FXN: variants seen among roughly 807,000 people sequenced by gnomAD.
FXN encodes the protein frataxin, mitochondrial.
Under a neutral mutation model 22.4 loss-of-function variants are expected in FXN, and 14 were observed. That is an observed-to-expected ratio of 0.62 (90% CI 0.41 to 0.98). The LOEUF is 0.98. Ranked by LOEUF, FXN falls within the 50% of genes least tolerant of loss-of-function variation. The probability of loss-of-function intolerance (pLI) is 0.00; values close to 1 mark genes in which losing one functional copy is unlikely to be tolerated. For synonymous variants in FXN, 120 were observed against 114.1 expected (o/e 1.05, Z -0.33); for missense variants, 267 against 268.4 (o/e 0.99, Z 0.04).
chr9:69,051,779 A>G (rs1831853256), intron 2 of FXN, among the ~76,000 whole-genome samples: 1 of 152,242 alleles, frequency 6.6e-6, no homozygotes, highest in Non-Finnish European at 1.5e-5. Context: ...GTTGAACATT[A>G]CTAATGAAAT....
At chr9:69,036,015 G>T in intron 1 of FXN, 68 bp downstream of exon 1, 1 of 1,213,320 alleles carries the variant, frequency 8.2e-7, no homozygotes, top group African/African-American at 1.6e-5. Context: ...GCCTGCGCAG[G>T]GAGGCGCCGC....
At chr9:69,070,474 C>T (rs920662655) in intron 4 of FXN, among the ~76,000 whole-genome samples, 1 of 152,194 alleles carries the variant, frequency 6.6e-6, no homozygotes, top group Non-Finnish European at 1.5e-5. Flanking sequence ...AGGCAGGTAA[C>T]GATGCGAGGG....
intron 4 of FXN, among the ~76,000 whole-genome samples, chr9:69,070,774 A>G (rs1181444322): frequency 6.6e-6 from 1 of 150,656 alleles, no homozygotes; most frequent in Non-Finnish European, 1.5e-5. Context: ...AATATCTTTC[A>G]TCTGGCTGCA....
Position 69,061,831 on chromosome 9 carries a change from C to T in FXN, c.385-3107C>T, listed in dbSNP as rs374583986. 5.9e-5 allele frequency among the ~76,000 whole-genome samples: 9 copies of T among 152,246 alleles called. No homozygotes were observed. In the South Asian group the frequency reaches 1.9e-3, roughly 32 times the overall value. The stretch of plus-strand genomic sequence containing the variant: ...TGAGAATGATGATTTCCAGTTTCAT[C>T]CATGTCCCTACAAAGGACATGAACT... On this transcript the variant is annotated intron_variant, in intron 3 of 4. Transcript: ENST00000484259.
chr9:69,042,258 A>C (rs184129903), intron 1 of FXN, among the ~76,000 whole-genome samples: 89 of 150,856 alleles, frequency 5.9e-4, no homozygotes, highest in Admixed American at 3.0e-3. Context: ...AAAAAAAGGA[A>C]GAACACTCAT....
chr9:69,058,840 G>A (rs12238851), intron 3 of FXN, among the ~76,000 whole-genome samples: 10,169 of 152,112 alleles, frequency 0.067, 450 homozygotes, highest in African/African-American at 0.12. Context: ...AGGCCGAGGC[G>A]GGCAGATCAT....
At position 69,077,507 on chromosome 9, in the gene FXN, C is replaced by A. The variant is rs1172029355; in HGVS notation, c.*4745C>A. 1.0e-6 allele frequency: 1 copy of A among 985,264 alleles called. No individual in the cohort carries two copies. Among genetic ancestry groups the A allele is most frequent in the Non-Finnish European group, 1.2e-6 (1 of 829,860 alleles). 61.0% of individuals were successfully genotyped at this position (985,264 alleles called of 1,614,324 possible). ...AAAATTGGCTCTCAAAGATTTTCTT[C>A]TCCTGTGGAAAGTCAGACCTCTGAG... On this transcript the variant is annotated 3_prime_UTR_variant, in exon 5 of 5. Coordinates refer to ENST00000484259, the MANE Select transcript of FXN (RefSeq NM_000144.5).
In FXN at chr9:69,073,714, G is replaced by C. The variant is rs1244219557; in HGVS notation, c.*952G>C. On this transcript the variant is annotated 3_prime_UTR_variant, in exon 5 of 5. Coordinates refer to ENST00000484259, the MANE Select transcript of FXN (RefSeq NM_000144.5). ...CTGCTTCCCCATCTGTTAAATGAGAGAATAGAGTATGGTTGATTCCCAGCA... is the reference window on the plus strand; with the variant it reads ...CTGCTTCCCCATCTGTTAAATGAGACAATAGAGTATGGTTGATTCCCAGCA... 1 of 985,274 alleles carries C rather than the reference G, an allele frequency of 1.0e-6. No homozygotes were observed. Among genetic ancestry groups the C allele is most frequent in the Non-Finnish European group, 1.2e-6 (1 of 829,942 alleles). 61.0% of individuals were successfully genotyped at this position (985,274 alleles called of 1,614,324 possible). A position where few individuals can be genotyped will look rare whatever the true frequency, so the allele number is the denominator to read the frequency against.
chr9:69,054,902 A>G lies in FXN; in HGVS notation c.384+1642A>G, dbSNP rs951944490. ...ATTCAATCATGGAATTGTTGAGGAC[A>G]ATCAGCCATCAGACTAAAGCGATAG... is the stretch of plus-strand genomic sequence containing the variant. On this transcript the variant is annotated intron_variant, in intron 3 of 4. Transcript: ENST00000484259. Among the ~76,000 whole-genome samples, 10 of 152,348 alleles carry G rather than the reference A, an allele frequency of 6.6e-5. 1 individual carries two copies. The highest frequency in any genetic ancestry group is 6.2e-4 in the South Asian group (3 of 4,830).
At chr9:69,043,831 G>A (rs1489336976) in intron 1 of FXN, among the ~76,000 whole-genome samples, 1 of 152,070 alleles carries the variant, frequency 6.6e-6, no homozygotes, top group Non-Finnish European at 1.5e-5. Flanking sequence ...TGATCCACCC[G>A]CCTCCGCCTC....
intron 1 of FXN, among the ~76,000 whole-genome samples, chr9:69,040,049 C>T (rs191387735): frequency 6.6e-6 from 1 of 152,248 alleles, no homozygotes; most frequent in African/African-American, 2.4e-5. Flanking sequence ...CCTTCATGAC[C>T]CAGTCACCGC....
At chr9:69,048,218 A>C (rs555806229) in intron 2 of FXN, among the ~76,000 whole-genome samples, 4 of 152,308 alleles carry the variant, frequency 2.6e-5, no homozygotes, top group African/African-American at 9.6e-5. Flanking sequence ...GTTAAACAAT[A>C]AGATTGGAGA....
chr9:69,076,609 T>C lies in FXN; in HGVS notation c.*3847T>C. The C allele has an allele frequency of 2.0e-6, 2 of 985,458 alleles. No homozygotes were observed. The highest frequency in any genetic ancestry group is 2.4e-6 in the Non-Finnish European group (2 of 829,930). The allele number at this position is 985,458 out of a possible 1,614,324, so 61.0% of individuals were successfully genotyped here. ...TTTATCCAGCTATACCTGCCCCAAA[T>C]TCTGACAGATGCTTTTGCCACCTCT... On this transcript the variant is annotated 3_prime_UTR_variant, in exon 5 of 5. Transcript: ENST00000484259.
At chr9:69,069,686 G>A (rs575571595) in intron 4 of FXN, among the ~76,000 whole-genome samples, 108 of 152,328 alleles carry the variant, frequency 7.1e-4, no homozygotes, top group Non-Finnish European at 1.2e-3. Context: ...AGGGTGCAAG[G>A]GCACAGCTGG....
intron 4 of FXN, among the ~76,000 whole-genome samples, chr9:69,071,451 A>G (rs943733772): frequency 6.6e-6 from 1 of 152,166 alleles, no homozygotes; most frequent in Non-Finnish European, 1.5e-5. Flanking sequence ...CTGGGCTCCC[A>G]TGCACTCTGT....
chr9:69,052,146 C>A (rs1831863018), intron 2 of FXN, among the ~76,000 whole-genome samples: 1 of 133,374 alleles, frequency 7.5e-6, no homozygotes, highest in African/African-American at 2.7e-5. Flanking sequence ...CCAGGCCCAG[C>A]CTATTTTTTT....
At chr9:69,036,172 G>T in intron 1 of FXN, 1 of 307,038 alleles carries the variant, frequency 3.3e-6, no homozygotes, top group Non-Finnish European at 5.7e-6. Context: ...AGGAAAAGGG[G>T]ACATTTTGTC....
chr9:69,050,988 C>G (rs1470831755), intron 2 of FXN, among the ~76,000 whole-genome samples: 2 of 152,198 alleles, frequency 1.3e-5, no homozygotes, highest in East Asian at 3.9e-4. Context: ...CCATGTTGGT[C>G]AAGCTGGTCT....
intron 1 of FXN, among the ~76,000 whole-genome samples, chr9:69,044,872 C>G (rs1831719543): frequency 6.6e-6 from 1 of 152,264 alleles, no homozygotes; most frequent in African/African-American, 2.4e-5. Context: ...TCCTGCAGAT[C>G]ATGATAATAA....
Sources: allele counts gnomAD v4.1 joint callset (sites outside exome capture counted in the v4.1 genomes callset), GRCh38; gene constraint gnomAD v4.1.1; transcripts MANE v1.5; gene names NCBI Gene and HGNC (gene_info 2026-07-23, HGNC 2026-07-21).